The following ADCY7 variants were observed in gnomAD, a reference collection of about 807,000 sequenced individuals.
ADCY7 encodes adenylate cyclase 7, also known as adenylate cyclase type 7.
ADCY7 carries 72 observed loss-of-function variants against 120.6 expected under a neutral mutation model. That is an observed-to-expected ratio of 0.60 (90% CI 0.49 to 0.73). ADCY7 has a LOEUF of 0.73. Among genes scored for constraint, ADCY7 ranks in the 30% least tolerant of loss-of-function variants. ADCY7 has a pLI of 0.00. For synonymous variants in ADCY7, 661 were observed against 628.0 expected (o/e 1.05, Z -0.78); for missense variants, 1,227 against 1,486.0 (o/e 0.83, Z 2.87).
rs757389802 is a variant in ADCY7 at position 50,315,522 on chromosome 16, C to T, written c.*17C>T. 1 of 1,598,748 alleles carries T rather than the reference C, an allele frequency of 6.3e-7. No individual in the cohort carries two copies. Among genetic ancestry groups the T allele is most frequent in the South Asian group, 1.1e-5 (1 of 90,782 alleles). ...CTGAACTGAGGGCTCCTGCTGGATT[C>T]CGAAAAGGCCGGGAAGCCAGTCTCC... On this transcript the variant is annotated 3_prime_UTR_variant, in exon 26 of 26. Transcript: ENST00000673801.
chr16:50,277,286 A>G (rs891178068), intron 1 of ADCY7, among the ~76,000 whole-genome samples: 2 of 152,236 alleles, frequency 1.3e-5, no homozygotes, highest in Non-Finnish European at 2.9e-5. Context: ...ATGTCATTTC[A>G]TACTTGTGAC....
At chr16:50,263,959 A>T (rs2033124903), upstream of ADCY7, among the ~76,000 whole-genome samples, 1 of 152,194 alleles carries the variant, frequency 6.6e-6, no homozygotes. Context: ...GCAAACGGGT[A>T]TCCCTCAATA....
At chr16:50,271,872 C>A (rs1369695368) in intron 1 of ADCY7, among the ~76,000 whole-genome samples, 1 of 152,192 alleles carries the variant, frequency 6.6e-6, no homozygotes, top group East Asian at 1.9e-4. Flanking sequence ...TCCCCCACCC[C>A]CTTGGCCTTG....
rs778423221 is a variant in ADCY7 at position 50,311,807 on chromosome 16, C to CT, written c.2448+21_2448+22insT. 5.3e-6 allele frequency: 7 copies of CT among 1,332,908 alleles called. No homozygotes were observed. The East Asian group carries it at 2.1e-4, about 39-fold the overall frequency. 82.6% of individuals were successfully genotyped at this position (1,332,908 alleles called of 1,614,324 possible). ...GACAGGTAAGGAGGCTGGCCCCCCC[C>CT]CCCCCCCCAAGCTCTGCCCACTTTT... On this transcript the variant is annotated intron_variant, in intron 20 of 25. Coordinates refer to ENST00000673801, the MANE Select transcript of ADCY7 (RefSeq NM_001114.5).
rs1049139187 is a variant in ADCY7, at chr16:50,291,642, C to T, written c.376-94C>T. On this transcript the variant is annotated intron_variant, in intron 3 of 25. Coordinates refer to ENST00000673801, the MANE Select transcript of ADCY7 (RefSeq NM_001114.5). The stretch of plus-strand genomic sequence containing the variant: ...TGGCGAGGGAGCCAACCTAAGGATA[C>T]GCACTGGGTGGGCTGCTGTGGTGCA... 7.5e-6 allele frequency: 11 copies of T among 1,465,842 alleles called. 1 individual carries two copies. Among genetic ancestry groups the T allele is most frequent in the Admixed American group, 3.6e-5 (2 of 55,432 alleles). The allele number at this position is 1,465,842 out of a possible 1,614,324, so 90.8% of individuals were successfully genotyped here.
At chr16:50,301,513 C>T (rs562309152) in intron 10 of ADCY7, among the ~76,000 whole-genome samples, 1 of 152,390 alleles carries the variant, frequency 6.6e-6, no homozygotes, top group South Asian at 2.1e-4. Context: ...GTATTCTCGT[C>T]ACTCTTGGTT....
At chr16:50,314,494 T>C (rs951935406) in intron 24 of ADCY7, 88 bp downstream of exon 24, 2 of 974,022 alleles carry the variant, frequency 2.1e-6, no homozygotes, top group Non-Finnish European at 3.2e-6. Flanking sequence ...CCTCGCCATC[T>C]ATTATGAAAG....
At position 50,292,891 on chromosome 16, in the gene ADCY7, A is replaced by G. The variant is rs904129186; in HGVS notation, c.687+66A>G. 9.6e-6 allele frequency: 15 copies of G among 1,569,932 alleles called. No individual in the cohort carries two copies. In the Admixed American group the frequency reaches 1.7e-4, roughly 18 times the overall value. On this transcript the variant is annotated intron_variant, in intron 5 of 25. Transcript: ENST00000673801. Reference sequence around the variant, plus strand: ...CCTCTTCCTCTTTCTGTTGGACATGAGACACTCATGCTGCCATGTGCATGA... The same window carrying G: ...CCTCTTCCTCTTTCTGTTGGACATGGGACACTCATGCTGCCATGTGCATGA...
chr16:50,293,065 G>A (rs770290727), intron 5 of ADCY7, among the ~76,000 whole-genome samples: 7 of 152,160 alleles, frequency 4.6e-5, no homozygotes, highest in African/African-American at 1.4e-4. Context: ...AGAGAAGGCC[G>A]TAGTGGCTCC....
intron 1 of ADCY7, among the ~76,000 whole-genome samples, chr16:50,267,794 C>T (rs1176619943): frequency 1.3e-5 from 2 of 152,192 alleles, no homozygotes; most frequent in African/African-American, 4.8e-5. Flanking sequence ...CCAAAGGAGA[C>T]ATAAAAGTGA....
At chr16:50,253,951 GTGTC>G (rs1185783100) in intron 1 of ADCY7, among the ~76,000 whole-genome samples, 1 of 152,112 alleles carries the variant, frequency 6.6e-6, no homozygotes, top group South Asian at 2.1e-4. Context: ...CTTTCTCTGT[GTGTC>G]TGTCTATCTG....
intron 1 of ADCY7, among the ~76,000 whole-genome samples, chr16:50,255,402 GAAAAA>G (rs60335173): frequency 1.8e-5 from 2 of 108,142 alleles, no homozygotes; most frequent in African/African-American, 7.4e-5. Flanking sequence ...TCTGTTTCTG[GAAAAA>G]AAAAAAAAAA....
chr16:50,291,025 G>A (rs1023445460), intron 3 of ADCY7, among the ~76,000 whole-genome samples: 2 of 152,194 alleles, frequency 1.3e-5, no homozygotes, highest in African/African-American at 4.8e-5. Flanking sequence ...CGGGCACGCT[G>A]TCCCCAGGTG....
At chr16:50,308,934 T>A (rs973263526) in intron 17 of ADCY7, 142 bp downstream of exon 17, 76 of 1,137,286 alleles carry the variant, frequency 6.7e-5, no homozygotes, top group Non-Finnish European at 8.5e-5. Context: ...TTCCCCTTTG[T>A]ACACTCAGGG....
intron 1 of ADCY7, among the ~76,000 whole-genome samples, chr16:50,250,749 T>C (rs549538178): frequency 6.6e-5 from 10 of 152,132 alleles, no homozygotes; most frequent in Non-Finnish European, 1.5e-4. Context: ...CAACATTAAA[T>C]GATCTGATAA....
chr16:50,291,663 G>C, intron 3 of ADCY7, 73 bp from the exon 4 acceptor site: 3 of 1,589,402 alleles, frequency 1.9e-6, no homozygotes, highest in Non-Finnish European at 2.6e-6. Context: ...GGCTGCTGTG[G>C]TGCAGGGTTC....
In ADCY7 at chr16:50,301,083, C is replaced by T. The variant is rs199888744; in HGVS notation, c.1237C>T (p.Arg413Trp). Residue 413 changes from arginine (R) to tryptophan (W), a missense_variant and splice_region_variant, in exon 10 of 26, where the codon CGG (arginine) becomes TGG (tryptophan). Physicochemically the swap from Arg to Trp is moderately radical, Grantham distance 101. This residue lies in a region of ADCY7 where 332 missense variants were observed against 455.8 expected (regional missense o/e 0.73). Coordinates refer to ENST00000673801, the MANE Select transcript of ADCY7 (RefSeq NM_001114.5). ...NRMEAAGVPG[R>W]VHITEATLKH... ...CTGCCTGACTTGGGTCTCCCGTAGCCGGGTGCACATCACGGAGGCCACGCT... is the reference window on the plus strand; with the variant it reads ...CTGCCTGACTTGGGTCTCCCGTAGCTGGGTGCACATCACGGAGGCCACGCT... The T allele has an allele frequency of 1.4e-5, 22 of 1,613,210 alleles. No homozygotes were observed. The highest frequency in any genetic ancestry group is 1.5e-5 in the Non-Finnish European group (18 of 1,179,694).
intron 18 of ADCY7, 34 bp from the exon 19 acceptor site, chr16:50,310,653 T>C: frequency 6.2e-7 from 1 of 1,608,396 alleles, no homozygotes; most frequent in Non-Finnish European, 8.5e-7. Context: ...CGTGGTGGGG[T>C]GGCCCTGTCC....
At chr16:50,313,775 A>G in intron 22 of ADCY7, 183 bp from the exon 23 acceptor site, 2 of 585,750 alleles carry the variant, frequency 3.4e-6, no homozygotes, top group Non-Finnish European at 6.1e-6. Context: ...GAAGAGCAGG[A>G]GCCGCCAAGG....
Sources: allele counts gnomAD v4.1 joint callset (sites outside exome capture counted in the v4.1 genomes callset), GRCh38; gene constraint gnomAD v4.1.1; regional missense constraint gnomAD v4.1.1; transcripts MANE v1.5; gene names NCBI Gene and HGNC (gene_info 2026-07-23, HGNC 2026-07-21).